The following P3H2 variants were observed in gnomAD, a reference collection of about 807,000 sequenced individuals.
P3H2 encodes leprecan-like 1.
P3H2 carries 80 observed loss-of-function variants against 87.0 expected under a neutral mutation model. That is an observed-to-expected ratio of 0.92 (90% CI 0.77 to 1.11). The LOEUF is 1.11. Among genes scored for constraint, P3H2 ranks in the 50% least tolerant of loss-of-function variants. The pLI is 0.00. For synonymous variants in P3H2, 367 were observed against 359.3 expected (o/e 1.02, Z -0.24); for missense variants, 1,001 against 923.9 (o/e 1.08, Z -1.08).
chr3:190,089,233 C>A (rs528397796), intron 1 of P3H2, among the ~76,000 whole-genome samples: 12 of 151,764 alleles, frequency 7.9e-5, no homozygotes, highest in Admixed American at 6.6e-5. Flanking sequence ...GCGGGGGAAG[C>A]GGGGAGGGAT....
intron 1 of P3H2, among the ~76,000 whole-genome samples, chr3:190,080,810 G>A (rs1057373335): frequency 2.6e-5 from 4 of 152,176 alleles, no homozygotes; most frequent in African/African-American, 9.7e-5. Context: ...AACATCTGTA[G>A]TGGAGACATG....
chr3:189,972,150 A>G (rs1320644486), intron 11 of P3H2, 143 bp from the exon 12 acceptor site: 1 of 701,278 alleles, frequency 1.4e-6, no homozygotes, highest in Non-Finnish European at 2.6e-6. Flanking sequence ...ATAAAAGAAC[A>G]GTGGACAAGT....
chr3:190,003,691 C>G (rs1160731581), intron 1 of P3H2, among the ~76,000 whole-genome samples: 1 of 152,062 alleles, frequency 6.6e-6, no homozygotes, highest in African/African-American at 2.4e-5. Context: ...TGCCTCGGGT[C>G]GAATGAAGTT....
In P3H2 at chr3:189,969,155, G is replaced by A. The variant is rs73890124; in HGVS notation, c.1893+1661C>T. ...TTACTAGCATTTTCTTTCGGGGTCT[G>A]TAAGTCCCGGTCCACCAAAACTGCT... is the stretch of plus-strand genomic sequence containing the variant. On this transcript the variant is annotated intron_variant, in intron 13 of 14. Transcript: ENST00000319332. The A allele has an allele frequency of 2.8e-3, 1,714 of 622,956 alleles. 22 individuals are homozygous for A. The African/African-American group carries it at 0.029, about 10-fold the overall frequency. The allele number at this position is 622,956 out of a possible 1,614,324, so 38.6% of individuals were successfully genotyped here. A position where few individuals can be genotyped will look rare whatever the true frequency, so the allele number is the denominator to read the frequency against.
chr3:190,106,643 A>G (rs1711849294), intron 1 of P3H2, among the ~76,000 whole-genome samples: 1 of 152,164 alleles, frequency 6.6e-6, no homozygotes, highest in Non-Finnish European at 1.5e-5. Context: ...CAAGTTTCAT[A>G]CAGTCTCAAA....
chr3:190,070,721 T>A (rs1388095346), intron 1 of P3H2, among the ~76,000 whole-genome samples: 2 of 152,186 alleles, frequency 1.3e-5, no homozygotes, highest in African/African-American at 4.8e-5. Context: ...AAAAAAGCTA[T>A]CTTCAGTTAA....
intron 1 of P3H2, among the ~76,000 whole-genome samples, chr3:190,032,424 G>A (rs1281047046): frequency 6.6e-6 from 1 of 152,022 alleles, no homozygotes. Context: ...TTAGTCTCAA[G>A]AAATTCACAG....
At chr3:190,021,139 G>A (rs1214469503) in intron 1 of P3H2, among the ~76,000 whole-genome samples, 1 of 134,530 alleles carries the variant, frequency 7.4e-6, no homozygotes, top group East Asian at 2.5e-4. Context: ...TATTTACAAA[G>A]CAGCCACCAT....
chr3:189,974,594 C>A lies in P3H2; in HGVS notation c.1416G>T (p.Ser472=), dbSNP rs368401795. The A allele has an allele frequency of 4.3e-6, 7 of 1,614,002 alleles. No individual in the cohort carries two copies. In the South Asian group the frequency reaches 4.4e-5, roughly 10 times the overall value. ...TGTGGAGCTCCCGGCACTGTTCTTC[C>A]GACAGGACGTTATCCAGGAGAACCC... The part of the protein sequence containing the change: ...TQRVLLDNVL[S]EEQCRELHSV... The change falls in exon 9 of 15, where the codon TCG becomes TCT. Residue 472 remains serine (S), a synonymous_variant. Coordinates refer to ENST00000319332, the MANE Select transcript of P3H2 (RefSeq NM_018192.4).
intron 1 of P3H2, among the ~76,000 whole-genome samples, chr3:190,063,205 G>A (rs1370162503): frequency 1.3e-5 from 2 of 152,118 alleles, no homozygotes; most frequent in African/African-American, 4.8e-5. Flanking sequence ...TAAATGATAA[G>A]CTGCTTCTAG....
At chr3:190,105,911 T>C (rs1312337043) in intron 1 of P3H2, among the ~76,000 whole-genome samples, 1 of 152,224 alleles carries the variant, frequency 6.6e-6, no homozygotes, top group Non-Finnish European at 1.5e-5. Context: ...TGTAACCCTC[T>C]ACTACTTTTT....
intron 1 of P3H2, among the ~76,000 whole-genome samples, chr3:190,086,398 C>T (rs78443698): frequency 0.012 from 1,897 of 152,118 alleles, 41 homozygotes; most frequent in African/African-American, 0.043. Context: ...GAGTGTTTCC[C>T]GGGGGTAGTT....
intron 1 of P3H2, among the ~76,000 whole-genome samples, chr3:190,073,508 A>T (rs527256158): frequency 1.3e-5 from 2 of 152,262 alleles, no homozygotes; most frequent in African/African-American, 2.4e-5. Context: ...TAAGAGGGTC[A>T]TTAACCACCA....
chr3:190,028,542 C>T (rs1577282331), intron 1 of P3H2, among the ~76,000 whole-genome samples: 1 of 152,308 alleles, frequency 6.6e-6, no homozygotes, highest in South Asian at 2.1e-4. Context: ...AGCCACAGAT[C>T]AGAAGCCACA....
rs907835399 is a variant in P3H2 at position 190,120,492 on chromosome 3, G to A, written c.240C>T (p.Ile80=). Residue 80 remains isoleucine, a synonymous_variant, in exon 1 of 15, where the codon ATC becomes ATT. Transcript: ENST00000319332. ...ALRSHRRLRE[I]RTRCARHCAA... is the part of the protein sequence containing the mutation. ...CGCAGTGGCGGGCACAGCGCGTGCG[G>A]ATTTCCCGCAGGCGCCGGTGGCTGC... 2.1e-6 allele frequency: 3 copies of A among 1,456,074 alleles called. No individual in the cohort carries two copies. The highest frequency in any genetic ancestry group is 1.8e-6 in the Non-Finnish European group (2 of 1,110,864). 90.2% of individuals were successfully genotyped at this position (1,456,074 alleles called of 1,614,324 possible).
At chr3:190,042,193 A>G (rs1438193982) in intron 1 of P3H2, among the ~76,000 whole-genome samples, 1 of 152,226 alleles carries the variant, frequency 6.6e-6, no homozygotes, top group Non-Finnish European at 1.5e-5. Flanking sequence ...CCTAATAGAC[A>G]TGAATAGGAA....
chr3:189,969,584 G>A, intron 13 of P3H2: 2 of 1,274,422 alleles, frequency 1.6e-6, no homozygotes, highest in South Asian at 1.2e-5. Flanking sequence ...GCCACAAGCT[G>A]TGGTCCCTAT....
intron 1 of P3H2, among the ~76,000 whole-genome samples, chr3:190,023,628 C>T (rs1181292433): frequency 6.6e-6 from 1 of 152,050 alleles, no homozygotes; most frequent in Non-Finnish European, 1.5e-5. Flanking sequence ...ACATGGGCGG[C>T]GGGGATTATG....
At chr3:190,113,859 C>A (rs999406616) in intron 1 of P3H2, among the ~76,000 whole-genome samples, 3 of 151,970 alleles carry the variant, frequency 2.0e-5, no homozygotes, top group Non-Finnish European at 4.4e-5. Flanking sequence ...GGGCGGATCA[C>A]GAGGTCGGGA....
Sources: allele counts gnomAD v4.1 joint callset (sites outside exome capture counted in the v4.1 genomes callset), GRCh38; gene constraint gnomAD v4.1.1; transcripts MANE v1.5; gene names NCBI Gene and HGNC (gene_info 2026-07-23, HGNC 2026-07-21).